The following SLC25A20 variants were observed in gnomAD, a reference collection of about 807,000 sequenced individuals.
SLC25A20 encodes the protein solute carrier family 25 member 20.
A neutral mutation model predicts 39.7 loss-of-function variants in SLC25A20; 29 were observed. That is an observed-to-expected ratio of 0.73 (90% CI 0.54 to 1.00). The LOEUF is 1.00. Ranked by LOEUF, SLC25A20 falls within the 50% of genes least tolerant of loss-of-function variation. The probability of loss-of-function intolerance (pLI) is 0.00; values close to 1 mark genes in which losing one functional copy is unlikely to be tolerated. For missense variants in SLC25A20, 333 were observed against 379.9 expected, an observed-to-expected ratio of 0.88 and a Z score of 1.03; for synonymous variants, 103 against 142.2, an observed-to-expected ratio of 0.72 and a Z score of 1.96.
intron 4 of SLC25A20, among the ~76,000 whole-genome samples, chr3:48,867,556 A>G (rs116707737): frequency 0.015 from 2,323 of 151,476 alleles, 53 homozygotes; most frequent in African/African-American, 0.052. Context: ...CACCCAGCCC[A>G]AAGTTTGTAT....
intron 3 of SLC25A20, among the ~76,000 whole-genome samples, chr3:48,881,494 AG>A: frequency 6.6e-6 from 1 of 152,182 alleles, no homozygotes; most frequent in South Asian, 2.1e-4. Context: ...TCTCCATCCC[AG>A]GGAGGCATCT....
At chr3:48,859,760 G>A (rs1351465090) in intron 5 of SLC25A20, 133 bp from the exon 6 acceptor site, 1 of 721,524 alleles carries the variant, frequency 1.4e-6, no homozygotes, top group Non-Finnish European at 2.5e-6. Flanking sequence ...TCCGCGCTTG[G>A]CCTGAATTAT....
intron 4 of SLC25A20, among the ~76,000 whole-genome samples, chr3:48,868,097 G>A (rs888316233): frequency 3.3e-5 from 5 of 151,200 alleles, no homozygotes; most frequent in South Asian, 2.1e-4. Flanking sequence ...CAAGCAGGGC[G>A]GCAGCAGGTA....
intron 5 of SLC25A20, 138 bp downstream of exon 5, chr3:48,862,404 A>G (rs1302433681): frequency 1.4e-6 from 1 of 727,936 alleles, no homozygotes; most frequent in African/African-American, 1.7e-5. Context: ...CCAGGGGGAG[A>G]TGCTTACTGC....
At chr3:48,858,709 G>T in intron 7 of SLC25A20, 78 bp from the exon 8 acceptor site, 1 of 1,582,714 alleles carries the variant, frequency 6.3e-7, no homozygotes, top group South Asian at 1.1e-5. Flanking sequence ...GTCAGGACTA[G>T]CACAGGGAAA....
intron 1 of SLC25A20, among the ~76,000 whole-genome samples, chr3:48,894,407 C>T (rs1030024393): frequency 1.1e-4 from 17 of 147,990 alleles, no homozygotes; most frequent in Non-Finnish European, 1.9e-4. Flanking sequence ...ATTACAGGTG[C>T]GTGCCACCAC....
chr3:48,886,050 A>C (rs2083826752), intron 2 of SLC25A20, among the ~76,000 whole-genome samples: 1 of 152,198 alleles, frequency 6.6e-6, no homozygotes, highest in Admixed American at 6.6e-5. Flanking sequence ...CTTCATACTT[A>C]CTTAAGAGAA....
intron 1 of SLC25A20, 67 bp downstream of exon 1, chr3:48,898,623 G>T: frequency 1.4e-6 from 2 of 1,426,800 alleles, no homozygotes; most frequent in South Asian, 1.2e-5. Flanking sequence ...CGCGCCTCGC[G>T]GGGGACCATG....
rs549370237 is a variant in SLC25A20, at chr3:48,884,232, C to T, written c.199-108G>A. On this transcript the variant is annotated intron_variant, in intron 2 of 8. Coordinates refer to ENST00000319017, the MANE Select transcript of SLC25A20 (RefSeq NM_000387.6). Reference sequence around the variant, plus strand: ...CAAACTGTGGCTTCCTTCACCTCTTCTTGAAGCAAGGAGAACTTTAAATGG... The same window carrying T: ...CAAACTGTGGCTTCCTTCACCTCTTTTTGAAGCAAGGAGAACTTTAAATGG... 10 of 1,404,178 alleles carry T rather than the reference C, an allele frequency of 7.1e-6. No homozygotes were observed. The East Asian group carries it at 2.3e-4, about 32-fold the overall frequency. The allele number at this position is 1,404,178 out of a possible 1,614,324, so 87.0% of individuals were successfully genotyped here.
At chr3:48,889,523 G>A (rs902250587) in intron 2 of SLC25A20, among the ~76,000 whole-genome samples, 26 of 151,932 alleles carry the variant, frequency 1.7e-4, no homozygotes, top group South Asian at 2.1e-4. Context: ...ATTCATATGC[G>A]CTTCTGACAT....
At chr3:48,890,921 T>C (rs1161719801) in intron 2 of SLC25A20, among the ~76,000 whole-genome samples, 1 of 152,174 alleles carries the variant, frequency 6.6e-6, no homozygotes, top group Non-Finnish European at 1.5e-5. Flanking sequence ...CCCAAAGTGC[T>C]GGGATCACAG....
At chr3:48,872,651 A>G (rs1190507145) in intron 4 of SLC25A20, among the ~76,000 whole-genome samples, 2 of 148,182 alleles carry the variant, frequency 1.3e-5, no homozygotes, top group Non-Finnish European at 3.0e-5. Context: ...AGGAGTTCGA[A>G]GTTAGCCTGA....
chr3:48,862,508 C>G (rs1362160420), intron 5 of SLC25A20, 34 bp downstream of exon 5: 1 of 1,409,176 alleles, frequency 7.1e-7, no homozygotes, highest in Admixed American at 1.7e-5. Context: ...GGTGACCTCC[C>G]CAGGTGACCT....
intron 3 of SLC25A20, 85 bp from the exon 4 acceptor site, chr3:48,879,533 G>C: frequency 1.1e-6 from 1 of 914,216 alleles, no homozygotes; most frequent in African/African-American, 1.6e-5. Context: ...GGACAGTTTT[G>C]TAAGAAAAAA....
chr3:48,893,019 T>TTA (rs980354150), intron 1 of SLC25A20, among the ~76,000 whole-genome samples: 10 of 151,782 alleles, frequency 6.6e-5, no homozygotes, highest in East Asian at 5.8e-4. Flanking sequence ...CTTATTATCT[T>TTA]TATATATATA....
intron 2 of SLC25A20, among the ~76,000 whole-genome samples, chr3:48,891,051 T>C (rs2083872296): frequency 2.0e-5 from 3 of 151,956 alleles, no homozygotes; most frequent in African/African-American, 7.2e-5. Context: ...GGCCCAGCTG[T>C]TTTCTCTTTA....
At position 48,879,244 on chromosome 3, in the gene SLC25A20, G is replaced by A. The variant is rs2083783141; in HGVS notation, c.417+114C>T. The A allele has an allele frequency of 8.3e-6, 7 of 843,690 alleles. No individual in the cohort carries two copies. The Admixed American group carries it at 1.0e-4, about 12-fold the overall frequency. The allele number at this position is 843,690 out of a possible 1,614,324, so 52.3% of individuals were successfully genotyped here. On this transcript the variant is annotated intron_variant, in intron 4 of 8. Transcript: ENST00000319017. ...CTCCCAAAGTGCTAGGATTACAGGT[G>A]TGAGCCACTGCACCCAGTCCTGAAG... is the stretch of plus-strand genomic sequence containing the variant.
intron 4 of SLC25A20, among the ~76,000 whole-genome samples, chr3:48,871,955 A>G (rs1323592443): frequency 1.4e-5 from 2 of 144,552 alleles, no homozygotes; most frequent in Non-Finnish European, 3.0e-5. Context: ...AGCTGGGACT[A>G]CAGGTGCATA....
rs2083588717 is a variant in SLC25A20 at position 48,857,484 on chromosome 3, A to G, written c.*226T>C. The G allele has an allele frequency of 5.3e-6, 3 of 563,536 alleles. No individual in the cohort carries two copies. The highest frequency in any genetic ancestry group is 9.7e-6 in the Non-Finnish European group (3 of 309,646). 34.9% of individuals were successfully genotyped at this position (563,536 alleles called of 1,614,324 possible). The stretch of plus-strand genomic sequence containing the variant: ...CTTGTTCCATTTCCAAATCCTTTTA[A>G]GATCCCTTAAATTGATAAGAATGAA... On this transcript the variant is annotated 3_prime_UTR_variant, in exon 9 of 9. Coordinates refer to ENST00000319017, the MANE Select transcript of SLC25A20 (RefSeq NM_000387.6).
Sources: gnomAD v4.1 joint callset for allele counts (sites outside exome capture counted in the v4.1 genomes callset) on GRCh38, gnomAD v4.1.1 for gene constraint, MANE v1.5 for transcripts, NCBI Gene and HGNC (gene_info 2026-07-23, HGNC 2026-07-21) for gene names.